The following ATL2 variants were observed in gnomAD, a reference collection of about 807,000 sequenced individuals.
The protein encoded by ATL2 is atlastin GTPase 2.
In ATL2, 31 loss-of-function variants were observed where a neutral mutation model predicts 73.9. That is an observed-to-expected ratio of 0.42 (90% CI 0.32 to 0.57). The LOEUF (loss-of-function observed/expected upper bound fraction) is 0.57, where lower values mean the gene tolerates loss of function less well. Among genes scored for constraint, ATL2 ranks in the 20% least tolerant of loss-of-function variants. The pLI is 0.14. For missense variants in ATL2, 738 were observed against 702.6 expected, an observed-to-expected ratio of 1.05 and a Z score of -0.57; for synonymous variants, 291 against 237.5, an observed-to-expected ratio of 1.23 and a Z score of -2.07.
intron 12 of ATL2, chr2:38,296,630 T>C: frequency 6.2e-7 from 1 of 1,607,262 alleles, no homozygotes; most frequent in Non-Finnish European, 8.5e-7. Flanking sequence ...TGAATCAGAG[T>C]GCCTCGAAGC....
intron 2 of ATL2, among the ~76,000 whole-genome samples, chr2:38,332,118 A>T (rs1266203627): frequency 6.6e-6 from 1 of 152,210 alleles, no homozygotes; most frequent in Non-Finnish European, 1.5e-5. Flanking sequence ...GACAGAAAAT[A>T]GATTAGCGGT....
chr2:38,351,939 C>CT (rs1199257098), intron 1 of ATL2, among the ~76,000 whole-genome samples: 1 of 151,634 alleles, frequency 6.6e-6, no homozygotes, highest in Non-Finnish European at 1.5e-5. Flanking sequence ...TGATGAAACT[C>CT]TGTCTCTACT....
intron 1 of ATL2, among the ~76,000 whole-genome samples, chr2:38,361,408 G>C (rs1671010658): frequency 6.7e-6 from 1 of 149,020 alleles, no homozygotes; most frequent in Non-Finnish European, 1.5e-5. Flanking sequence ...AATACAGTCT[G>C]AACCACTCAC....
chr2:38,300,132 G>A (rs878974798), intron 10 of ATL2, 140 bp downstream of exon 10: 5 of 633,700 alleles, frequency 7.9e-6, no homozygotes, highest in African/African-American at 3.7e-5. Context: ...TAGGACCCAC[G>A]ACACATACGG....
At chr2:38,314,492 A>G in intron 6 of ATL2, 116 bp downstream of exon 6, 2 of 659,954 alleles carry the variant, frequency 3.0e-6, no homozygotes, top group Admixed American at 2.7e-5. Flanking sequence ...ATTGCACTGA[A>G]TCTGTTGCTA....
At chr2:38,328,593 G>A (rs1170111028) in intron 2 of ATL2, among the ~76,000 whole-genome samples, 1 of 151,800 alleles carries the variant, frequency 6.6e-6, no homozygotes, top group Non-Finnish European at 1.5e-5. Flanking sequence ...CAGGAGTCAA[G>A]GAAATCTCAA....
At chr2:38,367,608 A>ACC (rs1469572128) in intron 1 of ATL2, among the ~76,000 whole-genome samples, 7 of 147,640 alleles carry the variant, frequency 4.7e-5, no homozygotes, top group African/African-American at 1.0e-4. Flanking sequence ...AAAAAAAAAA[A>ACC]AAAAAAAACC....
rs1190028294 is a variant in ATL2 at position 38,334,864 on chromosome 2, T to TTATATAATATATATTATATAA, written c.363+8383_363+8403dup. Among the ~76,000 whole-genome samples the TTATATAATATATATTATATAA allele has an allele frequency of 1.6e-3, 57 of 34,744 alleles. No individual in the cohort carries two copies. The East Asian group carries it at 0.021, about 13-fold the overall frequency. 22.8% of individuals were successfully genotyped at this position (34,744 alleles called of 152,430 possible). On this transcript the variant is annotated intron_variant, in intron 2 of 12. Coordinates refer to ENST00000378954, the MANE Select transcript of ATL2 (RefSeq NM_001135673.4). Reference sequence around the variant, plus strand: ...ATAATTTATATTCAATATTTATATATTATATAATATATATTATATAATATA... The same window carrying TTATATAATATATATTATATAA: ...ATAATTTATATTCAATATTTATATATTATATAATATATATTATATAATATATAATATATATTATATAATATA...
chr2:38,308,352 G>T (rs1464298438), intron 9 of ATL2, among the ~76,000 whole-genome samples: 1 of 152,142 alleles, frequency 6.6e-6, no homozygotes, highest in Non-Finnish European at 1.5e-5. Context: ...GCCAGACACA[G>T]AAAAAACAAA....
chr2:38,317,778 G>C (rs768255814), intron 4 of ATL2, among the ~76,000 whole-genome samples: 25 of 147,566 alleles, frequency 1.7e-4, no homozygotes, highest in Non-Finnish European at 2.8e-4. Flanking sequence ...TTCAATTACA[G>C]ATAACATGTG....
At chr2:38,302,857 C>A (rs1412758640) in intron 9 of ATL2, among the ~76,000 whole-genome samples, 4 of 152,156 alleles carry the variant, frequency 2.6e-5, no homozygotes, top group African/African-American at 9.7e-5. Context: ...ATGACAGGTA[C>A]AAACAAGCCC....
chr2:38,365,421 G>A (rs776188523), intron 1 of ATL2, among the ~76,000 whole-genome samples: 12 of 152,036 alleles, frequency 7.9e-5, no homozygotes, highest in African/African-American at 2.7e-4. Context: ...TTGGGAGGCC[G>A]AGGCAGGCAG....
intron 1 of ATL2, among the ~76,000 whole-genome samples, chr2:38,360,085 G>A (rs542256681): frequency 6.0e-4 from 87 of 144,698 alleles, no homozygotes; most frequent in African/African-American, 1.6e-3. Flanking sequence ...AGATGAGATC[G>A]TCGTCCACTG....
intron 1 of ATL2, among the ~76,000 whole-genome samples, chr2:38,346,122 C>T (rs996655157): frequency 1.3e-5 from 2 of 152,226 alleles, no homozygotes; most frequent in Non-Finnish European, 2.9e-5. Flanking sequence ...CTGTCCTTGA[C>T]ATATAGAGAT....
In ATL2 at chr2:38,343,435, C is replaced by T. The variant is rs1321213436; in HGVS notation, c.196G>A (p.Ala66Thr). Residue 66 changes from alanine (A) to threonine (T), a missense_variant, in exon 2 of 13, where the codon GCT (alanine) becomes ACT (threonine). Transcript: ENST00000378954. ...TCAAAGTTATGGTCATCTTCATGAG[C>T]AAGAACAATCTGTACTGGACATGGT... ...KKPCPVQIVLAHEDDHNFELD... is the reference protein window; with the variant it reads ...KKPCPVQIVLTHEDDHNFELD... The T allele has an allele frequency of 5.6e-6, 9 of 1,612,820 alleles. No homozygotes were observed. The highest frequency in any genetic ancestry group is 2.7e-5 in the African/African-American group (2 of 74,602).
intron 9 of ATL2, among the ~76,000 whole-genome samples, chr2:38,306,934 T>C (rs907403736): frequency 6.6e-6 from 1 of 152,182 alleles, no homozygotes. Flanking sequence ...CTTCAATAAA[T>C]GGTGCTGGGA....
At chr2:38,296,994 G>A (rs1446061454) in intron 12 of ATL2, among the ~76,000 whole-genome samples, 2 of 152,106 alleles carry the variant, frequency 1.3e-5, no homozygotes, top group Admixed American at 6.5e-5. Context: ...GTGAAGTTGC[G>A]ATAGCTTTGC....
chr2:38,294,319 C>A lies in ATL2; in HGVS notation c.*1675G>T, dbSNP rs940676360. Reference sequence around the variant, plus strand: ...ATCCCAACACTTTGGGAGGCCAAGGCAGGCGGATCACAAGGTCAGGCGATT... The same window carrying A: ...ATCCCAACACTTTGGGAGGCCAAGGAAGGCGGATCACAAGGTCAGGCGATT... On this transcript the variant is annotated 3_prime_UTR_variant, in exon 13 of 13. Transcript: ENST00000378954. 6.6e-6 allele frequency among the ~76,000 whole-genome samples: 1 copy of A among 152,228 alleles called. No homozygotes were observed. The highest frequency in any genetic ancestry group is 2.4e-5 in the African/African-American group (1 of 41,460).
intron 1 of ATL2, among the ~76,000 whole-genome samples, chr2:38,350,445 G>T (rs1270344497): frequency 6.6e-6 from 1 of 152,174 alleles, no homozygotes; most frequent in Admixed American, 6.5e-5. Context: ...AGGGGTTAGG[G>T]GGATAGGGAG....
Sources: allele counts gnomAD v4.1 joint callset (sites outside exome capture counted in the v4.1 genomes callset), GRCh38; gene constraint gnomAD v4.1.1; transcripts MANE v1.5; gene names NCBI Gene and HGNC (gene_info 2026-07-23, HGNC 2026-07-21).